The following NPHP1 variants were observed in gnomAD, a reference collection of about 807,000 sequenced individuals.
The protein encoded by NPHP1 is nephrocystin 1, also known as nephrocystin-1.
In NPHP1, 70 loss-of-function variants were observed where a neutral mutation model predicts 90.4. The observed-to-expected ratio is 0.77, with a 90% CI of 0.64 to 0.95. The LOEUF (loss-of-function observed/expected upper bound fraction) is 0.95. Ranked by LOEUF, NPHP1 falls within the 40% of genes least tolerant of loss-of-function variation. The pLI, the probability that NPHP1 is intolerant of heterozygous loss-of-function variation, is 0.00. For missense variants in NPHP1, 764 were observed against 795.9 expected (o/e 0.96, Z 0.48); for synonymous variants, 256 against 271.7 (o/e 0.94, Z 0.57).
At chr2:110,150,374 C>T in intron 11 of NPHP1, 118 bp from the exon 12 acceptor site, 2 of 892,010 alleles carry the variant, frequency 2.2e-6, no homozygotes, top group Non-Finnish European at 3.8e-6. Flanking sequence ...AAGGGGAGAA[C>T]TTTCACTTTT....
intron 2 of NPHP1, among the ~76,000 whole-genome samples, chr2:110,193,686 C>G (rs1684923710): frequency 6.6e-6 from 1 of 152,142 alleles, no homozygotes. Context: ...CTCTCCAACC[C>G]AAATCAACAG....
chr2:110,204,256 A>G (rs371727704), intron 1 of NPHP1, among the ~76,000 whole-genome samples: 5 of 152,180 alleles, frequency 3.3e-5, no homozygotes, highest in African/African-American at 1.2e-4. Context: ...ACCTTCCTCA[A>G]GACAGAGTGT....
chr2:110,144,306 A>G, intron 15 of NPHP1, 187 bp downstream of exon 15: 3 of 587,120 alleles, frequency 5.1e-6, no homozygotes, highest in Non-Finnish European at 9.2e-6. Flanking sequence ...ATGATGTCTT[A>G]GAGTCTCATA....
chr2:110,168,434 G>A lies in NPHP1; in HGVS notation c.624+18C>T. On this transcript the variant is annotated intron_variant, in intron 6 of 19. Transcript: ENST00000445609. ...AAAAAAAAAGTCTTAGAAAAGGAAG[G>A]CATAAACCAAGACTAACCTCTAGGT... The A allele has an allele frequency of 4.0e-6, 6 of 1,493,302 alleles. No homozygotes were observed. The highest frequency in any genetic ancestry group is 1.4e-5 in the African/African-American group (1 of 72,516). The allele number at this position is 1,493,302 out of a possible 1,614,324, so 92.5% of individuals were successfully genotyped here. A position where few individuals can be genotyped will look rare whatever the true frequency, so the allele number is the denominator to read the frequency against.
At chr2:110,153,970 CA>C (rs1430048325) in intron 11 of NPHP1, among the ~76,000 whole-genome samples, 4 of 141,076 alleles carry the variant, frequency 2.8e-5, no homozygotes, top group Admixed American at 1.5e-4. Flanking sequence ...GTGACAAAAG[CA>C]AAACTCCATC....
chr2:110,140,499 T>C (rs1361038521), intron 16 of NPHP1, among the ~76,000 whole-genome samples: 1 of 152,030 alleles, frequency 6.6e-6, no homozygotes, highest in Non-Finnish European at 1.5e-5. Context: ...CACCACACAG[T>C]CCAATTTGAT....
chr2:110,141,330 G>A (rs13003804), intron 16 of NPHP1, among the ~76,000 whole-genome samples: 3,004 of 152,064 alleles, frequency 0.02, 51 homozygotes, highest in Non-Finnish European at 0.032. Context: ...TGTAAATACT[G>A]GCTGTTTTAT....
chr2:110,147,895 C>T, intron 13 of NPHP1, 21 bp downstream of exon 13: 1 of 1,341,322 alleles, frequency 7.5e-7, no homozygotes, highest in South Asian at 1.2e-5. Context: ...ATTAGAAAGC[C>T]TTATCTTTCA....
intron 11 of NPHP1, among the ~76,000 whole-genome samples, chr2:110,151,948 T>C (rs1407916906): frequency 2.0e-5 from 3 of 152,178 alleles, no homozygotes; most frequent in Admixed American, 6.5e-5. Flanking sequence ...CTTCTTCTGT[T>C]TGATAATTTT....
intron 16 of NPHP1, among the ~76,000 whole-genome samples, chr2:110,134,205 G>A (rs1679996155): frequency 6.6e-6 from 1 of 151,950 alleles, no homozygotes; most frequent in Non-Finnish European, 1.5e-5. Context: ...GTGTAAGAGA[G>A]TACTATAAAT....
intron 4 of NPHP1, among the ~76,000 whole-genome samples, chr2:110,172,086 G>A (rs1355428749): frequency 6.6e-6 from 1 of 152,084 alleles, no homozygotes; most frequent in Non-Finnish European, 1.5e-5. Flanking sequence ...AAATATTTTA[G>A]TAGAACTTTT....
Position 110,125,688 on chromosome 2 carries a change from A to C in NPHP1, c.1717-7T>G, listed in dbSNP as rs373875908. 2.5e-6 allele frequency: 4 copies of C among 1,612,330 alleles called. No individual in the cohort carries two copies. Among genetic ancestry groups the C allele is most frequent in the Admixed American group, 1.7e-5 (1 of 60,030 alleles). On this transcript the variant is annotated splice_polypyrimidine_tract_variant and splice_region_variant and intron_variant, in intron 18 of 19. Transcript: ENST00000445609. The stretch of plus-strand genomic sequence containing the variant: ...CTTTTCCAGCCCACGAACTCTAAAG[A>C]GCAAACAGAAATATTATGTTAGTCC...
At position 110,123,779 on chromosome 2, in the gene NPHP1, A is replaced by C. The variant is rs1266498684; in HGVS notation, c.*12T>G. ...GATTCCGTGGGAAGCTGAGGGCTAGAGGCTGCCACTGTCACACTGCATTCT... is the reference window on the plus strand; with the variant it reads ...GATTCCGTGGGAAGCTGAGGGCTAGCGGCTGCCACTGTCACACTGCATTCT... On this transcript the variant is annotated 3_prime_UTR_variant, in exon 20 of 20. Coordinates refer to ENST00000445609, the MANE Select transcript of NPHP1 (RefSeq NM_001128178.3). 6.2e-7 allele frequency: 1 copy of C among 1,613,260 alleles called. No individual in the cohort carries two copies. Among genetic ancestry groups the C allele is most frequent in the African/African-American group, 1.3e-5 (1 of 74,908 alleles).
chr2:110,165,947 G>A (rs903931800), intron 6 of NPHP1, among the ~76,000 whole-genome samples: 2 of 152,022 alleles, frequency 1.3e-5, no homozygotes, highest in East Asian at 1.9e-4. Flanking sequence ...AAAGAAAACC[G>A]AAAGTGCCAT....
intron 14 of NPHP1, among the ~76,000 whole-genome samples, chr2:110,144,836 T>G (rs1680899872): frequency 6.6e-6 from 1 of 152,074 alleles, no homozygotes; most frequent in Non-Finnish European, 1.5e-5. Context: ...ATGAGAAAAA[T>G]TAATTCAAGT....
At chr2:110,204,784 A>C in intron 1 of NPHP1, 116 bp downstream of exon 1, 1 of 1,010,856 alleles carries the variant, frequency 9.9e-7, no homozygotes, top group Non-Finnish European at 1.5e-6. Context: ...CTGGGAAGGT[A>C]AGTAGGTTGG....
intron 2 of NPHP1, among the ~76,000 whole-genome samples, chr2:110,191,619 C>T (rs1312051174): frequency 6.6e-6 from 1 of 152,136 alleles, no homozygotes; most frequent in Non-Finnish European, 1.5e-5. Context: ...GAAACCTCTG[C>T]AGACTTAAAT....
chr2:110,170,010 G>T lies in NPHP1; in HGVS notation c.330-12C>A, dbSNP rs1683010803. The T allele has an allele frequency of 6.2e-7, 1 of 1,612,950 alleles. No individual in the cohort carries two copies. Among genetic ancestry groups the T allele is most frequent in the African/African-American group, 1.3e-5 (1 of 74,888 alleles). Reference sequence around the variant, plus strand: ...TAGGTGCCCCAACTCTACAAAAAGTGTTTCTGAGTAGGACTACTTGAAATA... The same window carrying T: ...TAGGTGCCCCAACTCTACAAAAAGTTTTTCTGAGTAGGACTACTTGAAATA... On this transcript the variant is annotated splice_polypyrimidine_tract_variant and intron_variant, in intron 4 of 19. Transcript: ENST00000445609.
chr2:110,173,508 A>G (rs1361518576), intron 4 of NPHP1, among the ~76,000 whole-genome samples: 1 of 152,170 alleles, frequency 6.6e-6, no homozygotes, highest in African/African-American at 2.4e-5. Context: ...CACATATACA[A>G]TGATGGCCCC....
Sources: allele counts gnomAD v4.1 joint callset (sites outside exome capture counted in the v4.1 genomes callset), GRCh38; gene constraint gnomAD v4.1.1; transcripts MANE v1.5; gene names NCBI Gene and HGNC (gene_info 2026-07-23, HGNC 2026-07-21).